The following MYCBP variants were observed in gnomAD, a reference collection of about 807,000 sequenced individuals.
The protein encoded by MYCBP is C-Myc-binding protein.
Under a neutral mutation model 16.8 loss-of-function variants are expected in MYCBP, and 5 were observed. That is an observed-to-expected ratio of 0.30 (90% CI 0.16 to 0.63). The LOEUF (loss-of-function observed/expected upper bound fraction) is 0.63. Ranked by LOEUF, MYCBP falls within the 20% of genes least tolerant of loss-of-function variation. The pLI is 0.83. For synonymous variants in MYCBP, 35 were observed against 43.7 expected (o/e 0.80, Z 0.79); for missense variants, 103 against 121.8 (o/e 0.85, Z 0.73).
At chr1:38,865,102 A>G (rs1326255665) in intron 4 of MYCBP, among the ~76,000 whole-genome samples, 1 of 152,256 alleles carries the variant, frequency 6.6e-6, no homozygotes. Context: ...GACATGTCTT[A>G]ACTTAACCAG....
At chr1:38,870,878 T>G (rs1382015264) in intron 2 of MYCBP, among the ~76,000 whole-genome samples, 1 of 150,912 alleles carries the variant, frequency 6.6e-6, no homozygotes, top group Non-Finnish European at 1.5e-5. Flanking sequence ...AATCAAATTT[T>G]TAATAAATCA....
chr1:38,864,370 A>T lies in MYCBP; in HGVS notation c.*300T>A, dbSNP rs1363333626. Reference sequence around the variant, plus strand: ...TCCATGCTAAACTGTCTTGGCTAAAATACAACCAGTGCCATCATTCCTAAT... The same window carrying T: ...TCCATGCTAAACTGTCTTGGCTAAATTACAACCAGTGCCATCATTCCTAAT... On this transcript the variant is annotated 3_prime_UTR_variant, in exon 5 of 5. Transcript: ENST00000397572. 1.2e-5 allele frequency: 5 copies of T among 408,220 alleles called. No homozygotes were observed. The highest frequency in any genetic ancestry group is 2.3e-5 in the Non-Finnish European group (5 of 220,094). 25.3% of individuals were successfully genotyped at this position (408,220 alleles called of 1,614,324 possible).
chr1:38,868,861 G>A (rs1025265089), intron 2 of MYCBP, among the ~76,000 whole-genome samples: 21 of 152,106 alleles, frequency 1.4e-4, no homozygotes, highest in Admixed American at 4.6e-4. Context: ...AGCCGAGATC[G>A]TGCCACTGCA....
intron 3 of MYCBP, 130 bp downstream of exon 3, chr1:38,867,432 A>G: frequency 1.2e-6 from 1 of 800,466 alleles, no homozygotes; most frequent in South Asian, 1.9e-5. Flanking sequence ...AGGTGACAGT[A>G]CAAGACTCCG....
At position 38,867,413 on chromosome 1, in the gene MYCBP, T is replaced by C. The variant is rs1485345703; in HGVS notation, c.137+149A>G. Reference sequence around the variant, plus strand: ...AGTAAGCCAAGATTGCGCCACTGCATTCCCCACCAGGTGACAGTACAAGAC... The same window carrying C: ...AGTAAGCCAAGATTGCGCCACTGCACTCCCCACCAGGTGACAGTACAAGAC... On this transcript the variant is annotated intron_variant, in intron 3 of 4. Coordinates refer to ENST00000397572, the MANE Select transcript of MYCBP (RefSeq NM_012333.5). The C allele has an allele frequency of 7.3e-6, 5 of 682,318 alleles. No homozygotes were observed. The African/African-American group carries it at 9.4e-5, about 13-fold the overall frequency. 42.3% of individuals were successfully genotyped at this position (682,318 alleles called of 1,614,324 possible). A position where few individuals can be genotyped will look rare whatever the true frequency, so the allele number is the denominator to read the frequency against.
chr1:38,869,099 T>G (rs867883306), intron 2 of MYCBP, among the ~76,000 whole-genome samples: 60 of 151,432 alleles, frequency 4.0e-4, no homozygotes, highest in African/African-American at 1.4e-3. Context: ...TTTTTGTTTT[T>G]TTTTTTGAGA....
rs1432222110 is a variant in MYCBP, at chr1:38,865,980, T to C, written c.267+900A>G. ...TGCTTAAGAACCTCAGAACTGACCA[T>C]TTACTTATAAAGAACATTAACCAAT... On this transcript the variant is annotated intron_variant, in intron 4 of 4. Transcript: ENST00000397572. Among the ~76,000 whole-genome samples, 7 of 150,342 alleles carry C rather than the reference T, an allele frequency of 4.7e-5. No homozygotes were observed. The South Asian group carries it at 1.3e-3, about 27-fold the overall frequency.
At position 38,864,525 on chromosome 1, in the gene MYCBP, T is replaced by C. The variant is rs1455333716; in HGVS notation, c.*145A>G. On this transcript the variant is annotated 3_prime_UTR_variant, in exon 5 of 5. Coordinates refer to ENST00000397572, the MANE Select transcript of MYCBP (RefSeq NM_012333.5). Reference sequence around the variant, plus strand: ...GTTATATTGAGTTTTTATTGATGATTCTATGTGTTTTTAACAGAGTGTGAT... The same window carrying C: ...GTTATATTGAGTTTTTATTGATGATCCTATGTGTTTTTAACAGAGTGTGAT... 1.2e-6 allele frequency: 1 copy of C among 826,114 alleles called. No homozygotes were observed. Among genetic ancestry groups the C allele is most frequent in the African/African-American group, 1.7e-5 (1 of 57,908 alleles). The allele number at this position is 826,114 out of a possible 1,614,324, so 51.2% of individuals were successfully genotyped here. A position where few individuals can be genotyped will look rare whatever the true frequency, so the allele number is the denominator to read the frequency against.
intron 2 of MYCBP, 38 bp from the exon 3 acceptor site, chr1:38,867,648 A>C: frequency 1.3e-6 from 2 of 1,585,904 alleles, no homozygotes; most frequent in Non-Finnish European, 1.7e-6. Flanking sequence ...CAATTGACGT[A>C]TTAAATTTGA....
At chr1:38,867,274 G>A (rs961716350) in intron 3 of MYCBP, among the ~76,000 whole-genome samples, 9 of 151,928 alleles carry the variant, frequency 5.9e-5, no homozygotes, top group South Asian at 2.1e-4. Context: ...GTGAAACCCC[G>A]TCTCTACTAA....
chr1:38,864,846 T>C (rs1170303590), intron 4 of MYCBP, 132 bp from the exon 5 acceptor site: 3 of 778,958 alleles, frequency 3.9e-6, no homozygotes, highest in Non-Finnish European at 6.4e-6. Context: ...TCTATAACTA[T>C]CCATTTTAAA....
intron 1 of MYCBP, 42 bp downstream of exon 1, chr1:38,873,249 G>T: frequency 6.3e-7 from 1 of 1,596,522 alleles, no homozygotes. Flanking sequence ...CCAGCGGCTT[G>T]CTACCGCCCG....
chr1:38,869,097 T>G (rs1275265788), intron 2 of MYCBP, among the ~76,000 whole-genome samples: 1 of 151,244 alleles, frequency 6.6e-6, no homozygotes, highest in Non-Finnish European at 1.5e-5. Flanking sequence ...TTTTTTTGTT[T>G]TTTTTTTTGA....
At chr1:38,868,727 A>C (rs1343701329) in intron 2 of MYCBP, among the ~76,000 whole-genome samples, 1 of 152,042 alleles carries the variant, frequency 6.6e-6, no homozygotes, top group Admixed American at 6.6e-5. Context: ...AACACAGTGA[A>C]ACCCCGTCTC....
chr1:38,864,893 A>G (rs988830578), intron 4 of MYCBP, among the ~76,000 whole-genome samples, 179 bp from the exon 5 acceptor site: 3 of 152,222 alleles, frequency 2.0e-5, no homozygotes, highest in African/African-American at 7.2e-5. Context: ...AATCAAATCT[A>G]ATGAAAGCCC....
chr1:38,871,376 G>T (rs1642462924), intron 2 of MYCBP, among the ~76,000 whole-genome samples: 1 of 150,914 alleles, frequency 6.6e-6, no homozygotes, highest in Admixed American at 6.6e-5. Context: ...TCTTAAGAAA[G>T]GCCTTCCCCC....
Position 38,873,025 on chromosome 1 carries a change from C to T in MYCBP, c.81G>A (p.Leu27=). Residue 27 remains leucine, a synonymous_variant, in exon 2 of 5, where the codon CTG becomes CTA. Transcript: ENST00000397572. ...YLEKSGVLDT[L]TKVLVALYEE... is the part of the protein sequence containing the mutation. ...CTCCTAGCCCAGGCTCACCCTTGGT[C>T]AGCGTGTCCAGCACCCCCGACTTCT... The T allele has an allele frequency of 3.8e-6, 6 of 1,575,186 alleles. No homozygotes were observed. Among genetic ancestry groups the T allele is most frequent in the Non-Finnish European group, 4.3e-6 (5 of 1,160,542 alleles).
intron 2 of MYCBP, among the ~76,000 whole-genome samples, chr1:38,868,639 C>T (rs1295390737): frequency 6.6e-6 from 1 of 152,168 alleles, no homozygotes; most frequent in Non-Finnish European, 1.5e-5. Context: ...GGCGCAGTGG[C>T]TCACACCTGT....
At position 38,867,592 on chromosome 1, in the gene MYCBP, T is replaced by G; in HGVS notation, c.107A>C (p.Glu36Ala). ...TLTKVLVALY[E>A]EPEKPNSALD... Reference sequence around the variant, plus strand: ...AGCACTGTTAGGTTTCTCTGGTTCTTCATATAAGGCTACCAACACTGCAAA... The same window carrying G: ...AGCACTGTTAGGTTTCTCTGGTTCTGCATATAAGGCTACCAACACTGCAAA... The change falls in exon 3 of 5, where the codon GAA becomes GCA. Residue 36 changes from glutamate to alanine, a missense_variant. Physicochemically the swap from Glu to Ala is moderately radical, Grantham distance 107 (BLOSUM62 -1). Coordinates refer to ENST00000397572, the MANE Select transcript of MYCBP (RefSeq NM_012333.5). 1 of 1,613,878 alleles carries G rather than the reference T, an allele frequency of 6.2e-7. No homozygotes were observed. The highest frequency in any genetic ancestry group is 8.5e-7 in the Non-Finnish European group (1 of 1,179,938).
Sources: gnomAD v4.1 joint callset for allele counts (sites outside exome capture counted in the v4.1 genomes callset) on GRCh38, gnomAD v4.1.1 for gene constraint, MANE v1.5 for transcripts, NCBI Gene and HGNC (gene_info 2026-07-23, HGNC 2026-07-21) for gene names.